Variants in ADAMTSL3 observed in about 807,000 individuals in gnomAD.
ADAMTSL3 encodes the protein ADAMTS-like protein 3.
Under a neutral mutation model 201.7 loss-of-function variants are expected in ADAMTSL3, and 128 were observed. That is an observed-to-expected ratio of 0.63 (90% CI 0.55 to 0.73). The LOEUF (loss-of-function observed/expected upper bound fraction) is 0.73. Among genes scored for constraint, ADAMTSL3 ranks in the 30% least tolerant of loss-of-function variants. ADAMTSL3 has a pLI of 0.00. For missense variants in ADAMTSL3, 1,990 were observed against 2,119.6 expected (o/e 0.94, Z 1.20); for synonymous variants, 738 against 748.4 (o/e 0.99, Z 0.23).
At chr15:83,929,735 G>GACAC (rs779089272) in intron 17 of ADAMTSL3, among the ~76,000 whole-genome samples, 2 of 147,796 alleles carry the variant, frequency 1.4e-5, no homozygotes, top group African/African-American at 2.5e-5. Context: ...GACAGAGACA[G>GACAC]ACACACACAC....
At chr15:84,014,418 C>T (rs2068053846) in intron 23 of ADAMTSL3, 124 bp from the exon 24 acceptor site, 2 of 874,636 alleles carry the variant, frequency 2.3e-6, no homozygotes, top group South Asian at 3.4e-5. Context: ...GCCATTTTTC[C>T]TATTATATAT....
intron 23 of ADAMTSL3, among the ~76,000 whole-genome samples, chr15:83,992,443 A>G (rs1327565659): frequency 5.3e-5 from 8 of 152,190 alleles, no homozygotes; most frequent in Admixed American, 2.0e-4. Flanking sequence ...TTCTGGCAAA[A>G]TACACCCACC....
Position 83,703,748 on chromosome 15 carries a change from G to T in ADAMTSL3, c.70-641G>T, listed in dbSNP as rs565124307. ...TTATCAGCAGCATGAAAACGGACTG[G>T]GGTATGAGCTTTCCATGAACTAAAC... On this transcript the variant is annotated intron_variant, in intron 2 of 29. Coordinates refer to ENST00000286744, the MANE Select transcript of ADAMTSL3 (RefSeq NM_207517.3). 6.6e-5 allele frequency among the ~76,000 whole-genome samples: 10 copies of T among 152,180 alleles called. No individual in the cohort carries two copies. In the East Asian group the frequency reaches 1.9e-3, roughly 29 times the overall value.
chr15:84,028,727 G>A (rs548983394), intron 27 of ADAMTSL3, among the ~76,000 whole-genome samples: 36 of 152,284 alleles, frequency 2.4e-4, no homozygotes, highest in Non-Finnish European at 3.8e-4. Flanking sequence ...ATATGGTTAG[G>A]CTTTGTGTCC....
chr15:83,816,106 A>C (rs1416304308), intron 5 of ADAMTSL3, among the ~76,000 whole-genome samples: 1 of 152,192 alleles, frequency 6.6e-6, no homozygotes, highest in Admixed American at 6.5e-5. Context: ...AAAATGAGGA[A>C]CACAGGTTAC....
chr15:83,877,074 G>A (rs957114789), intron 9 of ADAMTSL3, among the ~76,000 whole-genome samples: 1 of 152,114 alleles, frequency 6.6e-6, no homozygotes, highest in Non-Finnish European at 1.5e-5. Context: ...GATTACAGGT[G>A]TGAGCCACTG....
In ADAMTSL3 at chr15:83,912,523, T is replaced by C. The variant is rs549190804; in HGVS notation, c.1701-569T>C. 1.3e-4 allele frequency among the ~76,000 whole-genome samples: 20 copies of C among 152,332 alleles called. No homozygotes were observed. In the South Asian group the frequency reaches 4.1e-3, roughly 32 times the overall value. ...GAATTAAATGCTTTGTTCAGCAAGA[T>C]TGTGCAATATTTCTTTTGTTTTGAA... On this transcript the variant is annotated intron_variant, in intron 15 of 29. Coordinates refer to ENST00000286744, the MANE Select transcript of ADAMTSL3 (RefSeq NM_207517.3).
intron 7 of ADAMTSL3, among the ~76,000 whole-genome samples, chr15:83,839,563 A>T (rs1373074507): frequency 6.6e-6 from 1 of 152,176 alleles, no homozygotes; most frequent in Non-Finnish European, 1.5e-5. Context: ...ATTACCTGTC[A>T]GATGAGCTTG....
At chr15:83,843,035 G>A (rs983718364) in intron 7 of ADAMTSL3, among the ~76,000 whole-genome samples, 7 of 152,124 alleles carry the variant, frequency 4.6e-5, no homozygotes, top group Non-Finnish European at 7.4e-5. Context: ...ATGCAAGGTA[G>A]TTCATTATTC....
chr15:83,727,558 A>G (rs2062198217), intron 3 of ADAMTSL3, among the ~76,000 whole-genome samples: 1 of 151,882 alleles, frequency 6.6e-6, no homozygotes, highest in South Asian at 2.1e-4. Context: ...GCTGTATTAC[A>G]TCAGTTTTGG....
chr15:83,972,008 T>G (rs373243034), intron 20 of ADAMTSL3, among the ~76,000 whole-genome samples: 1 of 151,526 alleles, frequency 6.6e-6, no homozygotes, highest in African/African-American at 2.4e-5. Context: ...AGACAAATAA[T>G]TAAGTTTTTT....
intron 23 of ADAMTSL3, among the ~76,000 whole-genome samples, chr15:83,999,034 C>T (rs1319629149): frequency 2.0e-5 from 3 of 152,172 alleles, no homozygotes; most frequent in African/African-American, 7.2e-5. Flanking sequence ...AAAAGTAACA[C>T]ATCTCATTAT....
intron 28 of ADAMTSL3, among the ~76,000 whole-genome samples, chr15:84,033,599 CAGT>C (rs1372560873): frequency 6.6e-6 from 1 of 152,158 alleles, no homozygotes; most frequent in African/African-American, 2.4e-5. Flanking sequence ...GTGGAGGCTG[CAGT>C]GAGCCAAGAT....
chr15:83,865,461 T>C (rs1374335076), intron 8 of ADAMTSL3, among the ~76,000 whole-genome samples: 2 of 152,072 alleles, frequency 1.3e-5, no homozygotes, highest in Non-Finnish European at 2.9e-5. Flanking sequence ...TAATGCCGCA[T>C]ATCTACAACC....
chr15:83,656,699 A>T (rs553351121), intron 2 of ADAMTSL3, among the ~76,000 whole-genome samples: 41 of 152,310 alleles, frequency 2.7e-4, no homozygotes, highest in Middle Eastern at 6.8e-3. Context: ...ACAGTGTCTT[A>T]TGAATTAGAA....
intron 23 of ADAMTSL3, among the ~76,000 whole-genome samples, chr15:84,008,900 T>C (rs776805896): frequency 7.2e-5 from 11 of 152,198 alleles, no homozygotes; most frequent in Non-Finnish European, 1.5e-4. Context: ...CCACAAATCC[T>C]GGAGTCGGTT....
At chr15:83,765,326 T>C (rs1407292851) in intron 3 of ADAMTSL3, among the ~76,000 whole-genome samples, 1 of 152,198 alleles carries the variant, frequency 6.6e-6, no homozygotes, top group Non-Finnish European at 1.5e-5. Context: ...TCGTTTGAGA[T>C]CCCCTTAAAT....
At chr15:83,846,270 C>G (rs913125882) in intron 7 of ADAMTSL3, among the ~76,000 whole-genome samples, 2 of 152,020 alleles carry the variant, frequency 1.3e-5, no homozygotes, top group Non-Finnish European at 2.9e-5. Context: ...TTAACATAAC[C>G]CTGCAAGGTA....
At chr15:83,908,713 G>A (rs2065883044) in intron 15 of ADAMTSL3, among the ~76,000 whole-genome samples, 1 of 152,268 alleles carries the variant, frequency 6.6e-6, no homozygotes, top group Admixed American at 6.5e-5. Flanking sequence ...CATGCTCAAA[G>A]TTTTGTTAGC....
Sources: gnomAD v4.1 joint callset for allele counts (sites outside exome capture counted in the v4.1 genomes callset) on GRCh38, gnomAD v4.1.1 for gene constraint, MANE v1.5 for transcripts, NCBI Gene and HGNC (gene_info 2026-07-23, HGNC 2026-07-21) for gene names.